The following STAG1 variants were observed in gnomAD, a reference collection of about 807,000 sequenced individuals.
STAG1 encodes the protein cohesin subunit SA-1.
Under a neutral mutation model 170.9 loss-of-function variants are expected in STAG1, and 26 were observed. The ratio of observed to expected loss-of-function variants is 0.15; its 90% CI spans 0.11 to 0.21. The LOEUF is 0.21. STAG1 is among the 10% of genes least tolerant of loss of function. The pLI is 1.00. For missense variants in STAG1, 964 were observed against 1,509.5 expected (o/e 0.64, Z 5.99); for synonymous variants, 514 against 497.7 (o/e 1.03, Z -0.44).
chr3:136,350,894 A>T (rs2108269937), intron 28 of STAG1, among the ~76,000 whole-genome samples: 1 of 152,284 alleles, frequency 6.6e-6, no homozygotes, highest in South Asian at 2.1e-4. Flanking sequence ...TGACAGCGCA[A>T]AACAGCCGGA....
At chr3:136,443,668 C>T (rs954223970) in intron 14 of STAG1, among the ~76,000 whole-genome samples, 33 of 152,146 alleles carry the variant, frequency 2.2e-4, no homozygotes, top group Non-Finnish European at 3.8e-4. Context: ...GGAAACAGAG[C>T]ATAGCTAGTT....
At chr3:136,446,683 A>G (rs138890309) in intron 14 of STAG1, among the ~76,000 whole-genome samples, 182 of 152,136 alleles carry the variant, frequency 1.2e-3, no homozygotes, top group African/African-American at 4.0e-3. Context: ...TCATCCTCCC[A>G]AAGTGTTGGG....
chr3:136,504,768 A>C (rs980225848), intron 7 of STAG1, among the ~76,000 whole-genome samples: 4 of 152,200 alleles, frequency 2.6e-5, no homozygotes, highest in Non-Finnish European at 2.9e-5. Context: ...TCACCAGTGG[A>C]AACTGAGGCA....
At chr3:136,685,832 A>G (rs1942503533) in intron 1 of STAG1, among the ~76,000 whole-genome samples, 1 of 152,250 alleles carries the variant, frequency 6.6e-6, no homozygotes, top group Non-Finnish European at 1.5e-5. Flanking sequence ...ATCTCTAAGC[A>G]AAATATTTCA....
intron 1 of STAG1, among the ~76,000 whole-genome samples, chr3:136,634,586 T>C (rs59616231): frequency 0.11 from 11,530 of 100,750 alleles, 477 homozygotes; most frequent in Non-Finnish European, 0.13. Flanking sequence ...CAGAGGAAAA[T>C]ACAGTTGTAA....
At chr3:136,552,453 G>A (rs894756385) in intron 5 of STAG1, among the ~76,000 whole-genome samples, 5 of 152,160 alleles carry the variant, frequency 3.3e-5, no homozygotes, top group South Asian at 2.1e-4. Flanking sequence ...AATATAAACA[G>A]CATTTTGAAA....
At chr3:136,535,554 T>C (rs1447287090) in intron 6 of STAG1, among the ~76,000 whole-genome samples, 2 of 152,184 alleles carry the variant, frequency 1.3e-5, no homozygotes, top group African/African-American at 4.8e-5. Flanking sequence ...TCCCAGCTAC[T>C]TGGGTGGCTG....
At chr3:136,465,943 C>T (rs537559023) in intron 12 of STAG1, among the ~76,000 whole-genome samples, 3 of 152,170 alleles carry the variant, frequency 2.0e-5, no homozygotes, top group East Asian at 3.9e-4. Context: ...ACTTGTGAGG[C>T]TAAGAAAATA....
intron 6 of STAG1, among the ~76,000 whole-genome samples, chr3:136,523,999 C>T (rs1934847444): frequency 6.6e-6 from 1 of 152,164 alleles, no homozygotes; most frequent in Middle Eastern, 3.4e-3. Flanking sequence ...TTACTGTAGC[C>T]TTGTAGTATA....
intron 3 of STAG1, among the ~76,000 whole-genome samples, chr3:136,614,978 C>G (rs1385175453): frequency 6.6e-6 from 1 of 151,508 alleles, no homozygotes; most frequent in Admixed American, 6.6e-5. Flanking sequence ...AAATAATAAA[C>G]TATAGTATAC....
At chr3:136,532,740 A>G (rs9811416) in intron 6 of STAG1, among the ~76,000 whole-genome samples, 6,279 of 152,298 alleles carry the variant, frequency 0.041, 166 homozygotes, top group East Asian at 0.13. Context: ...AAAATTCTCA[A>G]TAAACTAGGC....
At chr3:136,468,755 G>A (rs1417001682) in intron 12 of STAG1, among the ~76,000 whole-genome samples, 13 of 152,136 alleles carry the variant, frequency 8.5e-5, no homozygotes, top group African/African-American at 2.4e-4. Context: ...CTGGCAAACC[G>A]AATCCAGCAG....
intron 9 of STAG1, among the ~76,000 whole-genome samples, chr3:136,496,896 CA>C (rs1165756446): frequency 6.6e-6 from 1 of 151,076 alleles, no homozygotes; most frequent in Non-Finnish European, 1.5e-5. Context: ...GGGAAGGAAG[CA>C]GGGGGAAAAG....
chr3:136,627,834 C>T (rs544872099), intron 2 of STAG1, among the ~76,000 whole-genome samples: 2 of 152,262 alleles, frequency 1.3e-5, no homozygotes, highest in Admixed American at 6.5e-5. Context: ...TCTCTAAATT[C>T]TGTCTACCTC....
chr3:136,676,922 C>A (rs1390826170), intron 1 of STAG1, among the ~76,000 whole-genome samples: 1 of 149,558 alleles, frequency 6.7e-6, no homozygotes, highest in African/African-American at 2.5e-5. Flanking sequence ...TTAGCCTAGA[C>A]CTACACAGGG....
intron 1 of STAG1, among the ~76,000 whole-genome samples, chr3:136,739,524 A>G (rs889015354): frequency 2.7e-5 from 4 of 150,462 alleles, no homozygotes; most frequent in Admixed American, 1.3e-4. Flanking sequence ...AAAAAAGAAA[A>G]AAAAAAAAAG....
intron 21 of STAG1, among the ~76,000 whole-genome samples, chr3:136,414,593 C>T (rs1407221969): frequency 6.6e-6 from 1 of 152,102 alleles, no homozygotes; most frequent in African/African-American, 2.4e-5. Context: ...TTCCAAACTC[C>T]TGTTAATGTT....
chr3:136,629,201 G>A (rs1285163544), intron 2 of STAG1, among the ~76,000 whole-genome samples: 1 of 152,100 alleles, frequency 6.6e-6, no homozygotes, highest in Non-Finnish European at 1.5e-5. Context: ...TTATCAAAGA[G>A]CTATTAAAGG....
intron 3 of STAG1, among the ~76,000 whole-genome samples, chr3:136,622,444 G>A (rs1447394683): frequency 6.6e-6 from 1 of 152,126 alleles, no homozygotes; most frequent in African/African-American, 2.4e-5. Flanking sequence ...GGGGTGATGA[G>A]ATGAAACAAG....
Sources: gnomAD v4.1 joint callset for allele counts (sites outside exome capture counted in the v4.1 genomes callset) on GRCh38, gnomAD v4.1.1 for gene constraint, MANE v1.5 for transcripts, NCBI Gene and HGNC (gene_info 2026-07-23, HGNC 2026-07-21) for gene names.